Variants in MAD2L1BP observed in about 807,000 individuals in gnomAD.
MAD2L1BP encodes the protein MAD2L1-binding protein.
MAD2L1BP carries 22 observed loss-of-function variants against 28.4 expected under a neutral mutation model. That is an observed-to-expected ratio of 0.77 (90% CI 0.55 to 1.10). The LOEUF is 1.10. MAD2L1BP is among the 50% of genes least tolerant of loss of function. The probability of loss-of-function intolerance (pLI) is 0.00; values close to 1 mark genes in which losing one functional copy is unlikely to be tolerated. For synonymous variants in MAD2L1BP, 146 were observed against 133.7 expected, an observed-to-expected ratio of 1.09 and a Z score of -0.63; for missense variants, 325 against 350.5, an observed-to-expected ratio of 0.93 and a Z score of 0.58.
At chr6:43,638,690 G>A (rs1770394964) in intron 2 of MAD2L1BP, among the ~76,000 whole-genome samples, 3 of 152,072 alleles carry the variant, frequency 2.0e-5, no homozygotes, top group Middle Eastern at 6.8e-3. Context: ...CAGCTACTCG[G>A]GAGGCTGAGG....
At chr6:43,638,281 A>G (rs1387136716) in intron 2 of MAD2L1BP, among the ~76,000 whole-genome samples, 1 of 152,038 alleles carries the variant, frequency 6.6e-6, no homozygotes. Context: ...ACCTCAGGTT[A>G]TCCACCTGCC....
upstream of MAD2L1BP, chr6:43,633,091 T>C: frequency 2.7e-6 from 1 of 375,412 alleles, no homozygotes. Flanking sequence ...TAAGCAATTC[T>C]CCCACCTCGG....
chr6:43,636,616 T>G lies in MAD2L1BP; in HGVS notation c.282T>G (p.Leu94=). ...AGCTCCCTCTGCCCTATGAACAGCT[T>G]AAGCACTTTTACCGAAAACCTTCTC... ...RQQLPLPYEQ[L]KHFYRKPSPQ... is the part of the protein sequence containing the mutation. The change falls in exon 2 of 3, where the codon CTT becomes CTG. Residue 94 remains leucine, a synonymous_variant. Transcript: ENST00000372171. 2 of 1,613,560 alleles carry G rather than the reference T, an allele frequency of 1.2e-6. No individual in the cohort carries two copies. The highest frequency in any genetic ancestry group is 3.3e-5 in the Admixed American group (2 of 59,998).
At chr6:43,638,149 TG>T (rs1405054112) in intron 2 of MAD2L1BP, among the ~76,000 whole-genome samples, 1 of 150,656 alleles carries the variant, frequency 6.6e-6, no homozygotes, top group Non-Finnish European at 1.5e-5. Context: ...CCGCCCGCCT[TG>T]GCCTCCCAAA....
At position 43,629,770 on chromosome 6, in the gene MAD2L1BP, G is replaced by T; in HGVS notation, c.20+1G>T. On this transcript the variant is annotated splice_donor_variant, in intron 1 of 3. Transcript: ENST00000451025. LOFTEE classifies it high-confidence loss of function. ...CCCCTATGGCCCGCGTGCCGCTGGG[G>T]TGAGTCAGGGCGAACGCCAGGGCGG... 1 of 1,562,540 alleles carries T rather than the reference G, an allele frequency of 6.4e-7. No homozygotes were observed. The highest frequency in any genetic ancestry group is 8.7e-7 in the Non-Finnish European group (1 of 1,153,022).
chr6:43,636,716 G>A, intron 2 of MAD2L1BP, 70 bp downstream of exon 2: 2 of 1,542,350 alleles, frequency 1.3e-6, no homozygotes, highest in Non-Finnish European at 1.8e-6. Context: ...CAGGTAGAAA[G>A]GGGGTCTAAG....
At chr6:43,635,557 C>T (rs950062213), upstream of MAD2L1BP, among the ~76,000 whole-genome samples, 1 of 152,240 alleles carries the variant, frequency 6.6e-6, no homozygotes, top group African/African-American at 2.4e-5. Context: ...TAGGACAGGG[C>T]CTGGCACGAA....
At chr6:43,629,542 G>A in exon 1 of MAD2L1BP, 1 of 643,968 alleles carries the variant, frequency 1.6e-6, no homozygotes, top group East Asian at 2.7e-5. Flanking sequence ...AGGACTTGGG[G>A]GGAATTTAGA....
At chr6:43,634,681 C>T (rs1770103773), upstream of MAD2L1BP, among the ~76,000 whole-genome samples, 1 of 152,146 alleles carries the variant, frequency 6.6e-6, no homozygotes, top group Non-Finnish European at 1.5e-5. Context: ...CTGCCTCAGC[C>T]TCCTGAGTAG....
At chr6:43,630,660 T>C (rs905568277) in intron 1 of MAD2L1BP, among the ~76,000 whole-genome samples, 7 of 151,682 alleles carry the variant, frequency 4.6e-5, no homozygotes, top group African/African-American at 7.3e-5. Context: ...GGAGAATCGC[T>C]TGAACCCGGG....
chr6:43,640,633 G>A lies in MAD2L1BP; in HGVS notation c.*100G>A. ...TTTGGAGCTAGAGTTGCTTCCTGGT[G>A]AGAGAGGAAGCAACTCTCCTTCTGG... is the stretch of plus-strand genomic sequence containing the variant. On this transcript the variant is annotated 3_prime_UTR_variant, in exon 3 of 3. Coordinates refer to ENST00000372171, the MANE Select transcript of MAD2L1BP (RefSeq NM_014628.3). 2 of 1,313,470 alleles carry A rather than the reference G, an allele frequency of 1.5e-6. No individual in the cohort carries two copies. The highest frequency in any genetic ancestry group is 1.5e-5 in the South Asian group (1 of 66,480). The allele number at this position is 1,313,470 out of a possible 1,614,324, so 81.4% of individuals were successfully genotyped here.
rs1444224978 is a variant in MAD2L1BP at position 43,640,671 on chromosome 6, C to T, written c.*138C>T. 4 of 820,838 alleles carry T rather than the reference C, an allele frequency of 4.9e-6. No homozygotes were observed. The highest frequency in any genetic ancestry group is 7.4e-6 in the Non-Finnish European group (4 of 543,700). 50.8% of individuals were successfully genotyped at this position (820,838 alleles called of 1,614,324 possible). ...ACTCTCCTTCTGGTTGTCTGCCTCC[C>T]CTCAGATTTCCTGATAGGCTGATGG... On this transcript the variant is annotated 3_prime_UTR_variant, in exon 3 of 3. Transcript: ENST00000372171.
chr6:43,639,643 G>A (rs1770456754), intron 2 of MAD2L1BP, among the ~76,000 whole-genome samples: 1 of 152,114 alleles, frequency 6.6e-6, no homozygotes, highest in African/African-American at 2.4e-5. Flanking sequence ...TGTTTAAGTG[G>A]AAGAACAAGT....
At chr6:43,630,741 TAAAA>T (rs200805129) in intron 1 of MAD2L1BP, among the ~76,000 whole-genome samples, 1 of 118,962 alleles carries the variant, frequency 8.4e-6, no homozygotes, top group African/African-American at 3.1e-5. Flanking sequence ...AGACTCCAAC[TAAAA>T]AAAAAAAAAA....
chr6:43,629,648 C>T, exon 1 of MAD2L1BP: 2 of 1,292,512 alleles, frequency 1.5e-6, no homozygotes, highest in Non-Finnish European at 2.2e-6. Flanking sequence ...GGCCCTTTAG[C>T]GCGGATCCTA....
rs1355850979 is a variant in MAD2L1BP, at chr6:43,640,254, C to T, written c.546C>T (p.Ser182=). The change falls in exon 3 of 3, where the codon AGC becomes AGT. Residue 182 remains serine (S), a synonymous_variant. Transcript: ENST00000372171. The part of the protein sequence containing the change: ...LAPYSVDQSL[S]TAACLRRLFR... ...CCTACAGCGTGGACCAGAGCCTGAG[C>T]ACAGCAGCTTGTTTGCGCCGTCTCT... 8.1e-6 allele frequency: 13 copies of T among 1,613,750 alleles called. No homozygotes were observed. The highest frequency in any genetic ancestry group is 1.1e-5 in the Non-Finnish European group (13 of 1,179,942).
chr6:43,635,905 C>T lies in MAD2L1BP; in HGVS notation c.30C>T (p.Ser10=). 1 of 1,498,052 alleles carries T rather than the reference C, an allele frequency of 6.7e-7. No individual in the cohort carries two copies. The highest frequency in any genetic ancestry group is 8.9e-7 in the Non-Finnish European group (1 of 1,129,750). 92.8% of individuals were successfully genotyped at this position (1,498,052 alleles called of 1,614,324 possible). Residue 10 remains serine, a synonymous_variant, in exon 1 of 3, where the codon TCC becomes TCT. Coordinates refer to ENST00000372171, the MANE Select transcript of MAD2L1BP (RefSeq NM_014628.3). The stretch of plus-strand genomic sequence containing the variant: ...CGGCGCCGGAGGCGGAGGTTCTGTC[C>T]TCAGCCGCAGTCCCTGGTAAGGCGT... MAAPEAEVL[S]SAAVPDLEWY... is the part of the protein sequence containing the mutation.
At position 43,640,445 on chromosome 6, in the gene MAD2L1BP, CAT is replaced by C; in HGVS notation, c.738_739del (p.Cys247TrpfsTer23). 6.2e-7 allele frequency: 1 copy of C among 1,613,862 alleles called. No homozygotes were observed. Among genetic ancestry groups the C allele is most frequent in the Non-Finnish European group, 8.5e-7 (1 of 1,179,994 alleles). ...GGCCATAAACTGACTGTGACCCTGT[CAT>C]GTGGCAGACCTTCCATCCGAACCAC... On this transcript the variant is annotated frameshift_variant, in exon 3 of 3. Transcript: ENST00000372171. LOFTEE classifies it high-confidence loss of function.
chr6:43,629,546 A>C, exon 1 of MAD2L1BP: 1 of 646,420 alleles, frequency 1.5e-6, no homozygotes. Context: ...CTTGGGGGGA[A>C]TTTAGAGCCT....
Sources: gnomAD v4.1 joint callset for allele counts (sites outside exome capture counted in the v4.1 genomes callset) on GRCh38, gnomAD v4.1.1 for gene constraint, MANE v1.5 for transcripts, NCBI Gene and HGNC (gene_info 2026-07-23, HGNC 2026-07-21) for gene names.